ADGRG7: variants seen among roughly 807,000 people sequenced by gnomAD.
ADGRG7 encodes G-protein coupled receptor 128.
In ADGRG7, 82 loss-of-function variants were observed where a neutral mutation model predicts 88.6. The ratio of observed to expected loss-of-function variants is 0.93; its 90% CI spans 0.77 to 1.11. ADGRG7 has a LOEUF of 1.11. ADGRG7 is among the 50% of genes most tolerant of loss of function. The pLI, the probability that ADGRG7 is intolerant of heterozygous loss-of-function variation, is 0.00. For synonymous variants in ADGRG7, 381 were observed against 345.2 expected (o/e 1.10, Z -1.15); for missense variants, 945 against 953.4 (o/e 0.99, Z 0.12).
At chr3:100,678,278 T>C (rs1397834048) in intron 15 of ADGRG7, among the ~76,000 whole-genome samples, 1 of 152,110 alleles carries the variant, frequency 6.6e-6, no homozygotes, top group East Asian at 1.9e-4. Flanking sequence ...TAATTCTTTT[T>C]AATTATTTCA....
At chr3:100,661,061 C>T (rs2094944682) in intron 14 of ADGRG7, among the ~76,000 whole-genome samples, 1 of 152,176 alleles carries the variant, frequency 6.6e-6, no homozygotes, top group Non-Finnish European at 1.5e-5. Flanking sequence ...TACCAGTTCC[C>T]ATCCGTACTG....
intron 1 of ADGRG7, among the ~76,000 whole-genome samples, chr3:100,611,291 C>CCTTTCTTT (rs1462974413): frequency 6.9e-6 from 1 of 145,378 alleles, no homozygotes; most frequent in African/African-American, 2.6e-5. Flanking sequence ...TTCCTTCCTT[C>CCTTTCTTT]CTTCCTTCCT....
intron 4 of ADGRG7, 149 bp from the exon 5 acceptor site, chr3:100,635,528 G>C (rs1212004972): frequency 1.4e-6 from 2 of 1,445,332 alleles, no homozygotes; most frequent in African/African-American, 2.9e-5. Flanking sequence ...CTTTACACAA[G>C]GAAGGATGCA....
At chr3:100,686,213 G>C (rs1310300502) in intron 15 of ADGRG7, among the ~76,000 whole-genome samples, 1 of 151,848 alleles carries the variant, frequency 6.6e-6, no homozygotes, top group Non-Finnish European at 1.5e-5. Context: ...CCCACTTTTT[G>C]ATGGGGTTGT....
chr3:100,688,415 C>T (rs2094987050), intron 15 of ADGRG7, among the ~76,000 whole-genome samples: 1 of 152,142 alleles, frequency 6.6e-6, no homozygotes, highest in Non-Finnish European at 1.5e-5. Context: ...TTGCCTTCTG[C>T]TGGCTTTTGA....
intron 15 of ADGRG7, among the ~76,000 whole-genome samples, chr3:100,690,030 G>A (rs2094990450): frequency 6.6e-6 from 1 of 152,128 alleles, no homozygotes; most frequent in Non-Finnish European, 1.5e-5. Flanking sequence ...CATAGATTTG[G>A]TGTTTTCTAT....
Position 100,643,516 on chromosome 3 carries a change from C to G in ADGRG7, c.839-10C>G, listed in dbSNP as rs369615471. 1.9e-6 allele frequency: 3 copies of G among 1,610,224 alleles called. No individual in the cohort carries two copies. The African/African-American group carries it at 4.0e-5, about 22-fold the overall frequency. On this transcript the variant is annotated splice_polypyrimidine_tract_variant and intron_variant, in intron 7 of 15. Transcript: ENST00000273352. The stretch of plus-strand genomic sequence containing the variant: ...AGACTTTTACAATTCTACTCTTTCC[C>G]TTCTCATAGGAGCTAGCAGTTCTCT...
chr3:100,664,503 G>T (rs1437074414), intron 14 of ADGRG7, among the ~76,000 whole-genome samples: 1 of 152,078 alleles, frequency 6.6e-6, no homozygotes, highest in Non-Finnish European at 1.5e-5. Context: ...TTCTAGACTT[G>T]ATTAAAAAGA....
At chr3:100,639,651 T>C (rs1386726378) in intron 6 of ADGRG7, among the ~76,000 whole-genome samples, 6 of 152,264 alleles carry the variant, frequency 3.9e-5, no homozygotes, top group Admixed American at 6.5e-5. Flanking sequence ...CCTTCAGAGA[T>C]GAAAGCTTTG....
intron 15 of ADGRG7, among the ~76,000 whole-genome samples, chr3:100,692,649 C>A (rs2094995885): frequency 6.6e-6 from 1 of 152,122 alleles, no homozygotes; most frequent in African/African-American, 2.4e-5. Flanking sequence ...TTCAGCTTTA[C>A]CATTGATTCC....
intron 2 of ADGRG7, among the ~76,000 whole-genome samples, chr3:100,630,326 A>G (rs1707443218): frequency 6.6e-6 from 1 of 152,084 alleles, no homozygotes; most frequent in Non-Finnish European, 1.5e-5. Flanking sequence ...CTACCAGTCA[A>G]TATATCCCAC....
In ADGRG7 at chr3:100,642,868, A is replaced by G. The variant is rs1379542525; in HGVS notation, c.699-398A>G. On this transcript the variant is annotated intron_variant, in intron 6 of 15. Coordinates refer to ENST00000273352, the MANE Select transcript of ADGRG7 (RefSeq NM_032787.3). ...GATCCTAAGGGGTTTGGGTGAGAGG[A>G]AGAAGATGAATAAATGGAAATGGAT... is the stretch of plus-strand genomic sequence containing the variant. Among the ~76,000 whole-genome samples, 3 of 152,224 alleles carry G rather than the reference A, an allele frequency of 2.0e-5. No homozygotes were observed. In the East Asian group the frequency reaches 5.8e-4, roughly 29 times the overall value.
intron 14 of ADGRG7, among the ~76,000 whole-genome samples, chr3:100,664,826 G>T (rs1292827296): frequency 6.6e-6 from 1 of 152,118 alleles, no homozygotes; most frequent in Non-Finnish European, 1.5e-5. Flanking sequence ...ATGGAGAAAA[G>T]TAATCCACCG....
At chr3:100,626,427 C>T (rs905946953) in intron 1 of ADGRG7, among the ~76,000 whole-genome samples, 13 of 152,066 alleles carry the variant, frequency 8.5e-5, no homozygotes, top group African/African-American at 3.1e-4. Flanking sequence ...GAATAGACAC[C>T]TTAGCAACTT....
chr3:100,661,010 C>CTT (rs1035805256), intron 14 of ADGRG7, among the ~76,000 whole-genome samples: 2 of 151,982 alleles, frequency 1.3e-5, no homozygotes, highest in African/African-American at 4.8e-5. Context: ...TCTGGCCACT[C>CTT]TAAGCTGACA....
intron 15 of ADGRG7, among the ~76,000 whole-genome samples, chr3:100,681,683 C>T (rs1463009016): frequency 2.6e-5 from 4 of 152,186 alleles, no homozygotes; most frequent in Admixed American, 6.5e-5. Context: ...GTGAACATTG[C>T]TCTTTACTCT....
intron 1 of ADGRG7, among the ~76,000 whole-genome samples, chr3:100,616,353 T>A (rs978433669): frequency 2.0e-5 from 3 of 151,796 alleles, no homozygotes; most frequent in Non-Finnish European, 4.4e-5. Flanking sequence ...GAATATAAAA[T>A]ATGTTTAACA....
intron 15 of ADGRG7, among the ~76,000 whole-genome samples, chr3:100,669,480 G>A (rs1437033239): frequency 2.1e-5 from 3 of 142,444 alleles, no homozygotes; most frequent in African/African-American, 8.1e-5. Context: ...CTTGCAGTGA[G>A]CTGAGATCGC....
chr3:100,688,171 G>T (rs1174181730), intron 15 of ADGRG7, among the ~76,000 whole-genome samples: 5 of 152,182 alleles, frequency 3.3e-5, no homozygotes, highest in Non-Finnish European at 7.3e-5. Context: ...GCATAGAGGT[G>T]TTTATAGTAT....
Sources: allele counts gnomAD v4.1 joint callset (sites outside exome capture counted in the v4.1 genomes callset), GRCh38; gene constraint gnomAD v4.1.1; transcripts MANE v1.5; gene names NCBI Gene and HGNC (gene_info 2026-07-23, HGNC 2026-07-21).